ATP13A3: variants seen among roughly 807,000 people sequenced by gnomAD.
ATP13A3 encodes polyamine-transporting ATPase 13A3.
ATP13A3 carries 59 observed loss-of-function variants against 158.1 expected under a neutral mutation model. That is an observed-to-expected ratio of 0.37 (90% CI 0.30 to 0.46). ATP13A3 has a LOEUF of 0.46. Among genes scored for constraint, ATP13A3 ranks in the 20% least tolerant of loss-of-function variants. The pLI is 1.00. For synonymous variants in ATP13A3, 491 were observed against 504.3 expected, an observed-to-expected ratio of 0.97 and a Z score of 0.35; for missense variants, 1,166 against 1,525.2, an observed-to-expected ratio of 0.76 and a Z score of 3.92.
At chr3:194,424,318 T>C (rs1234114418) in intron 30 of ATP13A3, 3 of 151,886 alleles carry the variant, frequency 2.0e-5, no homozygotes, top group South Asian at 2.1e-4. Flanking sequence ...AATAATATAG[T>C]TATTTTTAAA....
intron 15 of ATP13A3, among the ~76,000 whole-genome samples, chr3:194,443,587 C>A (rs1290641469): frequency 4.6e-5 from 7 of 152,084 alleles, no homozygotes; most frequent in African/African-American, 1.7e-4. Flanking sequence ...AGGCAACATG[C>A]ATTACTAGAG....
In ATP13A3 at chr3:194,462,186, T is replaced by C. The variant is rs773544017; in HGVS notation, c.5A>G (p.Asp2Gly). Residue 2 changes from aspartate to glycine, a missense_variant, in exon 3 of 34, where the codon GAC (aspartate) becomes GGC (glycine). Physicochemically the swap from Asp to Gly is moderately conservative, Grantham distance 94. Coordinates refer to ENST00000645319, the MANE Select transcript of ATP13A3 (RefSeq NM_001367549.1). ...ATTGATGGTCTTCCTTTCTTCCCTG[T>C]CCATACCTACAGTGGATTAAAGGTC... M[D>G]REERKTINQG... 1.2e-6 allele frequency: 2 copies of C among 1,613,768 alleles called. No homozygotes were observed. Among genetic ancestry groups the C allele is most frequent in the South Asian group, 2.2e-5 (2 of 91,060 alleles).
rs146859108 is a variant in ATP13A3, at chr3:194,447,957, T to C, written c.1203A>G (p.Pro401=). The C allele has an allele frequency of 3.5e-4, 560 of 1,611,002 alleles. No individual in the cohort carries two copies. Among genetic ancestry groups the C allele is most frequent in the Admixed American group, 1.2e-3 (70 of 60,010 alleles). ...CATCTCTGTAGAGTTTAAAATCAGT[T>C]GGTTTGGGATACAATATGGAACGAA... ...QLVRSILYPK[P]TDFKLYRDAY... The change falls in exon 13 of 34, where the codon CCA becomes CCG. Residue 401 remains proline, a synonymous_variant. Coordinates refer to ENST00000645319, the MANE Select transcript of ATP13A3 (RefSeq NM_001367549.1).
intron 2 of ATP13A3, among the ~76,000 whole-genome samples, chr3:194,483,899 G>C (rs2109074517): frequency 6.6e-6 from 1 of 152,336 alleles, no homozygotes; most frequent in Middle Eastern, 3.4e-3. Context: ...GGAGAGAGAA[G>C]GGAGAAAAGG....
chr3:194,403,978 C>T lies in ATP13A3; in HGVS notation c.*1941G>A, dbSNP rs1340456513. ...TGCTCTTAAAGATGTTAAATACAATCGGATAATTGAATTTTTAAGCTGCTA... is the reference window on the plus strand; with the variant it reads ...TGCTCTTAAAGATGTTAAATACAATTGGATAATTGAATTTTTAAGCTGCTA... On this transcript the variant is annotated 3_prime_UTR_variant, in exon 34 of 34. Transcript: ENST00000645319. 1.9e-5 allele frequency: 7 copies of T among 368,396 alleles called. No homozygotes were observed. The highest frequency in any genetic ancestry group is 7.9e-5 in the East Asian group (1 of 12,620). 22.8% of individuals were successfully genotyped at this position (368,396 alleles called of 1,614,324 possible).
chr3:194,423,186 A>C (rs1416739722), intron 30 of ATP13A3, among the ~76,000 whole-genome samples: 1 of 152,166 alleles, frequency 6.6e-6, no homozygotes, highest in Non-Finnish European at 1.5e-5. Context: ...GAGAAAATGT[A>C]ACTGTGAAGC....
intron 29 of ATP13A3, among the ~76,000 whole-genome samples, chr3:194,426,124 G>A (rs1229553766): frequency 3.3e-5 from 5 of 152,112 alleles, no homozygotes; most frequent in South Asian, 2.1e-4. Context: ...AAGTGCTCAC[G>A]AAACGTGATT....
intron 2 of ATP13A3, among the ~76,000 whole-genome samples, chr3:194,475,316 T>C (rs1366002101): frequency 6.6e-6 from 1 of 152,226 alleles, no homozygotes; most frequent in East Asian, 1.9e-4. Context: ...ATGATCTACA[T>C]ACACTACAGA....
intron 2 of ATP13A3, among the ~76,000 whole-genome samples, chr3:194,469,511 T>C (rs1720199329): frequency 6.6e-6 from 1 of 152,126 alleles, no homozygotes; most frequent in South Asian, 2.1e-4. Context: ...GAAATTCCAG[T>C]AACTGAATTT....
rs764892045 is a variant in ATP13A3 at position 194,450,291 on chromosome 3, A to G, written c.839-15T>C. ...TTCTTCTATTTCTGAAATTAAAGAA[A>G]GAAAGAAAAATCTGAAAAAGATATT... is the stretch of plus-strand genomic sequence containing the variant. On this transcript the variant is annotated splice_polypyrimidine_tract_variant and intron_variant, in intron 10 of 33. Transcript: ENST00000645319. 7.5e-6 allele frequency: 12 copies of G among 1,605,118 alleles called. No homozygotes were observed. The highest frequency in any genetic ancestry group is 5.0e-5 in the Admixed American group (3 of 59,588).
At position 194,448,720 on chromosome 3, in the gene ATP13A3, A is replaced by AT; in HGVS notation, c.971-85dup. The AT allele has an allele frequency of 1.5e-6, 2 of 1,294,786 alleles. No homozygotes were observed. The highest frequency in any genetic ancestry group is 2.1e-6 in the Non-Finnish European group (2 of 943,268). 80.2% of individuals were successfully genotyped at this position (1,294,786 alleles called of 1,614,324 possible). ...GAATCAGTATCGAACACCAAAAAAT[A>AT]TTAAATTGTTAAATATTTTAAATGC... On this transcript the variant is annotated intron_variant, in intron 11 of 33. Coordinates refer to ENST00000645319, the MANE Select transcript of ATP13A3 (RefSeq NM_001367549.1). The surrounding 1 kb of genome is among the most constrained non-coding windows in gnomAD (Gnocchi z 4.0).
intron 11 of ATP13A3, among the ~76,000 whole-genome samples, chr3:194,449,014 G>A (rs1718599832): frequency 6.6e-6 from 1 of 150,438 alleles, no homozygotes; most frequent in Non-Finnish European, 1.5e-5. Flanking sequence ...CTGTACAGAA[G>A]AGATGTGAGG....
At chr3:194,463,650 C>T (rs1387036369) in intron 2 of ATP13A3, among the ~76,000 whole-genome samples, 1 of 152,172 alleles carries the variant, frequency 6.6e-6, no homozygotes, top group Non-Finnish European at 1.5e-5. Flanking sequence ...TACTCATCTA[C>T]CCAGTGCACA....
At chr3:194,418,342 A>G (rs1716042535) in intron 31 of ATP13A3, among the ~76,000 whole-genome samples, 1 of 152,198 alleles carries the variant, frequency 6.6e-6, no homozygotes, top group Non-Finnish European at 1.5e-5. Context: ...TGTTTTTTAA[A>G]AAGAGATATT....
At chr3:194,417,063 C>T (rs565049812) in intron 31 of ATP13A3, among the ~76,000 whole-genome samples, 3 of 152,222 alleles carry the variant, frequency 2.0e-5, no homozygotes, top group Non-Finnish European at 4.4e-5. Flanking sequence ...CTAATGAATT[C>T]ACCCTCAAAA....
intron 10 of ATP13A3, 83 bp downstream of exon 10, chr3:194,453,623 T>C (rs886085212): frequency 1.0e-5 from 10 of 989,206 alleles, no homozygotes; most frequent in Non-Finnish European, 1.4e-5. Flanking sequence ...AGAATGTATA[T>C]GTATTATACT....
chr3:194,403,385 G>GT lies in ATP13A3; in HGVS notation c.*2533_*2534insA, dbSNP rs1714739694. Reference sequence around the variant, plus strand: ...CATTGCTTTACAGCAGTTGGTGCTAGAAGATACAAAACATATAGTTACCAC... The same window carrying GT: ...CATTGCTTTACAGCAGTTGGTGCTAGTAAGATACAAAACATATAGTTACCAC... On this transcript the variant is annotated 3_prime_UTR_variant, in exon 34 of 34. Transcript: ENST00000645319. The GT allele has an allele frequency of 6.6e-6, 1 of 152,148 alleles. No homozygotes were observed. The highest frequency in any genetic ancestry group is 1.5e-5 in the Non-Finnish European group (1 of 68,026). The allele number at this position is 152,148 out of a possible 1,614,324, so 9.4% of individuals were successfully genotyped here.
chr3:194,438,141 C>A (rs1479591454), intron 17 of ATP13A3, among the ~76,000 whole-genome samples: 1 of 152,094 alleles, frequency 6.6e-6, no homozygotes, highest in Non-Finnish European at 1.5e-5. Context: ...GCCGGGGTGA[C>A]AGAGCGAGAC....
intron 17 of ATP13A3, 60 bp downstream of exon 17, chr3:194,438,796 A>T (rs1717841849): frequency 1.3e-5 from 15 of 1,183,256 alleles, no homozygotes; most frequent in Non-Finnish European, 1.7e-5. Flanking sequence ...AATTGAAAAA[A>T]ATTAAAAATA....
Sources: gnomAD v4.1 joint callset for allele counts (sites outside exome capture counted in the v4.1 genomes callset) on GRCh38, gnomAD v4.1.1 for gene constraint, Gnocchi (gnomAD v3.1) non-coding constraint, MANE v1.5 for transcripts, NCBI Gene and HGNC (gene_info 2026-07-23, HGNC 2026-07-21) for gene names.